Variants in TBC1D5 observed in about 807,000 individuals in gnomAD.
TBC1D5 encodes the protein TBC1 domain family, member 5.
In TBC1D5, 75 loss-of-function variants were observed where a neutral mutation model predicts 100.3. That is an observed-to-expected ratio of 0.75 (90% CI 0.62 to 0.91). The LOEUF is 0.91. TBC1D5 is among the 40% of genes least tolerant of loss of function. The probability of loss-of-function intolerance (pLI) is 0.00; values close to 1 mark genes in which losing one functional copy is unlikely to be tolerated. For missense variants in TBC1D5, 910 were observed against 942.4 expected (o/e 0.97, Z 0.45); for synonymous variants, 323 against 325.6 (o/e 0.99, Z 0.09).
chr3:17,517,759 T>G (rs1418808281), intron 2 of TBC1D5, among the ~76,000 whole-genome samples: 4 of 152,118 alleles, frequency 2.6e-5, no homozygotes, highest in African/African-American at 9.7e-5. Context: ...ACAAACATGA[T>G]ATACTATATA....
chr3:17,734,733 A>G (rs1237993053), intron 1 of TBC1D5, among the ~76,000 whole-genome samples: 2 of 152,220 alleles, frequency 1.3e-5, no homozygotes, highest in Non-Finnish European at 2.9e-5. Context: ...GCTTTGTTGT[A>G]AAGGGTAAAC....
chr3:17,652,896 T>C (rs975699352), intron 1 of TBC1D5, among the ~76,000 whole-genome samples: 1 of 152,096 alleles, frequency 6.6e-6, no homozygotes, highest in African/African-American at 2.4e-5. Flanking sequence ...AGCCAAAAGA[T>C]AGAAACAGCC....
At chr3:17,390,267 G>C in intron 8 of TBC1D5, among the ~76,000 whole-genome samples, 1 of 151,988 alleles carries the variant, frequency 6.6e-6, no homozygotes, top group East Asian at 1.9e-4. Context: ...CCTGATAGTT[G>C]GAAAGACATT....
intron 15 of TBC1D5, among the ~76,000 whole-genome samples, chr3:17,289,565 C>T (rs1007555528): frequency 7.3e-5 from 11 of 150,314 alleles, no homozygotes; most frequent in Non-Finnish European, 1.3e-4. Context: ...ACCTGGGAGG[C>T]GGAGGTTGCA....
chr3:17,366,772 C>T (rs185195898), intron 13 of TBC1D5, among the ~76,000 whole-genome samples: 5 of 152,170 alleles, frequency 3.3e-5, no homozygotes, highest in Admixed American at 6.5e-5. Flanking sequence ...AAAAACTTGG[C>T]ATTCAACATA....
intron 2 of TBC1D5, among the ~76,000 whole-genome samples, chr3:17,535,013 G>GT (rs989892860): frequency 1.3e-5 from 2 of 151,934 alleles, no homozygotes; most frequent in Admixed American, 1.3e-4. Flanking sequence ...AAGTAAAATG[G>GT]TAAGTTTTTA....
chr3:17,451,316 A>G (rs2094922461), intron 3 of TBC1D5, among the ~76,000 whole-genome samples: 1 of 152,244 alleles, frequency 6.6e-6, no homozygotes, highest in African/African-American at 2.4e-5. Context: ...AAGAAACTGC[A>G]TCAACTAATG....
intron 4 of TBC1D5, among the ~76,000 whole-genome samples, chr3:17,410,840 G>T (rs1236970665): frequency 2.0e-5 from 3 of 152,126 alleles, no homozygotes; most frequent in Non-Finnish European, 4.4e-5. Flanking sequence ...TTCTTGAGAT[G>T]GAATCTACTG....
intron 3 of TBC1D5, among the ~76,000 whole-genome samples, chr3:17,430,832 A>C (rs2094435824): frequency 6.6e-6 from 1 of 151,918 alleles, no homozygotes; most frequent in South Asian, 2.1e-4. Context: ...AATTCTGTAA[A>C]ATTGTGTATA....
intron 13 of TBC1D5, among the ~76,000 whole-genome samples, chr3:17,328,436 C>T (rs985525435): frequency 6.6e-6 from 1 of 152,138 alleles, no homozygotes; most frequent in African/African-American, 2.4e-5. Flanking sequence ...ACTGACCTAA[C>T]CTGCCATAGA....
intron 14 of TBC1D5, among the ~76,000 whole-genome samples, chr3:17,294,407 A>G (rs2082050931): frequency 6.6e-6 from 1 of 152,106 alleles, no homozygotes; most frequent in African/African-American, 2.4e-5. Context: ...AGTTTTTTGA[A>G]GAGACAAGCT....
chr3:17,606,961 T>A (rs973862666), intron 2 of TBC1D5, among the ~76,000 whole-genome samples: 1 of 152,198 alleles, frequency 6.6e-6, no homozygotes, highest in Non-Finnish European at 1.5e-5. Context: ...CAAATTCCTT[T>A]ACAATAATTA....
At chr3:17,393,028 G>GACTTCTTAATGATCACCATTCTA (rs1553724802) in intron 8 of TBC1D5, among the ~76,000 whole-genome samples, 3,713 of 151,710 alleles carry the variant, frequency 0.024, 148 homozygotes, top group African/African-American at 0.084. Context: ...ATTGTTTCCT[G>GACTTCTTAATGATCACCATTCTA]ACTTTTTAAT....
intron 8 of TBC1D5, among the ~76,000 whole-genome samples, chr3:17,401,152 C>A (rs914557646): frequency 6.6e-6 from 1 of 151,866 alleles, no homozygotes. Flanking sequence ...TTCTTTGGGT[C>A]ACTGGTTTGC....
chr3:17,602,865 G>A (rs916918326), intron 2 of TBC1D5, among the ~76,000 whole-genome samples: 1 of 151,944 alleles, frequency 6.6e-6, no homozygotes, highest in African/African-American at 2.4e-5. Context: ...ATGAGCCACC[G>A]TGCCCGGCCG....
At chr3:17,600,225 ATGTTATG>A (rs2153588122) in intron 2 of TBC1D5, among the ~76,000 whole-genome samples, 1 of 152,240 alleles carries the variant, frequency 6.6e-6, no homozygotes, top group African/African-American at 2.4e-5. Flanking sequence ...ATGTTATGTT[ATGTTATG>A]TTATGTTATG....
chr3:17,634,915 A>G (rs1370886167), intron 1 of TBC1D5, among the ~76,000 whole-genome samples: 1 of 152,234 alleles, frequency 6.6e-6, no homozygotes, highest in Non-Finnish European at 1.5e-5. Context: ...AATACAATTA[A>G]ACACAAAAAT....
At chr3:17,688,022 G>C (rs2070564268) in intron 1 of TBC1D5, among the ~76,000 whole-genome samples, 1 of 152,090 alleles carries the variant, frequency 6.6e-6, no homozygotes, top group Non-Finnish European at 1.5e-5. Context: ...GCAAATTAAT[G>C]AAAATGAAGG....
At chr3:17,496,637 T>C (rs1306599458) in intron 3 of TBC1D5, among the ~76,000 whole-genome samples, 3 of 152,116 alleles carry the variant, frequency 2.0e-5, no homozygotes, top group Non-Finnish European at 4.4e-5. Context: ...TACTTCACCA[T>C]TAAATTGTTA....
Sources: gnomAD v4.1 joint callset for allele counts (sites outside exome capture counted in the v4.1 genomes callset) on GRCh38, gnomAD v4.1.1 for gene constraint, MANE v1.5 for transcripts, NCBI Gene and HGNC (gene_info 2026-07-23, HGNC 2026-07-21) for gene names.